Variants in PRR16 observed in about 807,000 individuals in gnomAD.
The protein encoded by PRR16 is proline rich 16.
PRR16 carries 6 observed loss-of-function variants against 18.2 expected under a neutral mutation model. The observed-to-expected ratio is 0.33, with a 90% CI of 0.18 to 0.65. PRR16 has a LOEUF of 0.65. PRR16 is among the 30% of genes least tolerant of loss of function. The pLI is 0.74. For missense variants in PRR16, 412 were observed against 376.6 expected, an observed-to-expected ratio of 1.09 and a Z score of -0.78; for synonymous variants, 151 against 147.8, an observed-to-expected ratio of 1.02 and a Z score of -0.16.
intron 1 of PRR16, among the ~76,000 whole-genome samples, chr5:120,471,448 A>G (rs1051330296): frequency 6.6e-6 from 1 of 152,052 alleles, no homozygotes; most frequent in African/African-American, 2.4e-5. Flanking sequence ...GTTTTCTGAG[A>G]TGTTTGAGGT....
At chr5:120,591,872 G>A (rs1418656548) in intron 1 of PRR16, among the ~76,000 whole-genome samples, 4 of 152,000 alleles carry the variant, frequency 2.6e-5, no homozygotes, top group Non-Finnish European at 4.4e-5. Context: ...TTGAATCTTC[G>A]AAAGTACCAA....
intron 1 of PRR16, among the ~76,000 whole-genome samples, chr5:120,580,211 A>C (rs1753221343): frequency 6.6e-6 from 1 of 152,138 alleles, no homozygotes; most frequent in Non-Finnish European, 1.5e-5. Flanking sequence ...TCCTATTTGA[A>C]TACCCTTTAT....
At chr5:120,570,814 T>C (rs1457450630) in intron 1 of PRR16, among the ~76,000 whole-genome samples, 1 of 152,118 alleles carries the variant, frequency 6.6e-6, no homozygotes, top group Non-Finnish European at 1.5e-5. Flanking sequence ...ATGATAGACT[T>C]TCTGTAAATT....
intron 1 of PRR16, among the ~76,000 whole-genome samples, chr5:120,527,118 G>A (rs1424137340): frequency 6.6e-6 from 1 of 152,110 alleles, no homozygotes; most frequent in Non-Finnish European, 1.5e-5. Context: ...GTAGGGATCA[G>A]CAAACCTTTT....
At chr5:120,768,049 C>A in the PRR16 span, among the ~76,000 whole-genome samples, 8 of 151,770 alleles carry the variant, frequency 5.3e-5, no homozygotes, top group African/African-American at 9.7e-5. Flanking sequence ...CAGAAAGAAA[C>A]CTCATTGAAA....
At chr5:120,471,177 A>G (rs7715549) in intron 1 of PRR16, among the ~76,000 whole-genome samples, 36,131 of 152,046 alleles carry the variant, frequency 0.24, 4,700 homozygotes, top group African/African-American at 0.34. Context: ...TTAATAGTGA[A>G]TAAATTAGAC....
At chr5:120,524,061 T>C (rs1751274427) in intron 1 of PRR16, among the ~76,000 whole-genome samples, 1 of 152,170 alleles carries the variant, frequency 6.6e-6, no homozygotes, top group Admixed American at 6.5e-5. Context: ...CATTCATTGT[T>C]AGAGTAATAG....
At chr5:120,625,988 T>A (rs373131251) in intron 1 of PRR16, among the ~76,000 whole-genome samples, 1 of 152,056 alleles carries the variant, frequency 6.6e-6, no homozygotes. Context: ...ACCCAAAGAA[T>A]CCCACTCCAG....
At chr5:120,590,250 A>T (rs1753588663) in intron 1 of PRR16, among the ~76,000 whole-genome samples, 1 of 152,002 alleles carries the variant, frequency 6.6e-6, no homozygotes, top group South Asian at 2.1e-4. Context: ...CTCCCTTTTC[A>T]TTCATCTCTT....
intron 1 of PRR16, among the ~76,000 whole-genome samples, chr5:120,465,022 C>T (rs994252201): frequency 6.6e-6 from 1 of 152,092 alleles, no homozygotes; most frequent in Non-Finnish European, 1.5e-5. Flanking sequence ...TGCCCTATTG[C>T]TTCCCCAGAG....
intron 1 of PRR16, among the ~76,000 whole-genome samples, chr5:120,523,254 C>G (rs556632356): frequency 6.6e-6 from 1 of 152,234 alleles, no homozygotes; most frequent in Admixed American, 6.5e-5. Context: ...TAGCTCAACA[C>G]TGGTGTTATG....
chr5:120,590,419 T>C (rs1291921193), intron 1 of PRR16, among the ~76,000 whole-genome samples: 1 of 152,178 alleles, frequency 6.6e-6, no homozygotes, highest in African/African-American at 2.4e-5. Flanking sequence ...AAGTATTTTG[T>C]CAGTAAGAAT....
the PRR16 span, among the ~76,000 whole-genome samples, chr5:120,727,726 T>A: frequency 2.6e-5 from 4 of 152,136 alleles, no homozygotes; most frequent in African/African-American, 9.7e-5. Flanking sequence ...ATGTTAAATA[T>A]CTAACATATT....
intron 1 of PRR16, among the ~76,000 whole-genome samples, chr5:120,517,992 G>T (rs892952149): frequency 6.6e-6 from 1 of 152,126 alleles, no homozygotes; most frequent in Non-Finnish European, 1.5e-5. Context: ...AAAAAGTTTT[G>T]TGTCACTATA....
the PRR16 span, among the ~76,000 whole-genome samples, chr5:120,697,506 T>A: frequency 6.6e-6 from 1 of 152,194 alleles, no homozygotes; most frequent in African/African-American, 2.4e-5. Context: ...GTGAGAAAAT[T>A]CTAATAGTTT....
At position 120,678,389 on chromosome 5, in the gene PRR16, T is replaced by G. The variant is rs536805313; in HGVS notation, c.160-7565T>G. Among the ~76,000 whole-genome samples the G allele has an allele frequency of 3.1e-4, 47 of 152,292 alleles. No homozygotes were observed. The East Asian group carries it at 8.5e-3, about 28-fold the overall frequency. On this transcript the variant is annotated intron_variant, in intron 1 of 1. Coordinates refer to ENST00000407149, the MANE Select transcript of PRR16 (RefSeq NM_001300783.2). Reference sequence around the variant, plus strand: ...ATGGAAAGCTGGGGTAGGATGGAAATAAAGGCAACAAATGACTTTTTCCAT... The same window carrying G: ...ATGGAAAGCTGGGGTAGGATGGAAAGAAAGGCAACAAATGACTTTTTCCAT...
intron 1 of PRR16, among the ~76,000 whole-genome samples, chr5:120,630,512 A>G (rs1561582900): frequency 6.6e-6 from 1 of 152,146 alleles, no homozygotes; most frequent in Non-Finnish European, 1.5e-5. Flanking sequence ...GCCAAGATGT[A>G]TAGGTTCTAT....
At chr5:120,665,717 C>G (rs1378005643) in intron 1 of PRR16, among the ~76,000 whole-genome samples, 3 of 152,154 alleles carry the variant, frequency 2.0e-5, no homozygotes, top group African/African-American at 7.2e-5. Flanking sequence ...AATAGGGAAT[C>G]CTTCCCCCAT....
At chr5:120,577,850 T>C (rs940149676) in intron 1 of PRR16, among the ~76,000 whole-genome samples, 2 of 152,208 alleles carry the variant, frequency 1.3e-5, no homozygotes, top group African/African-American at 4.8e-5. Context: ...ACTAGTATAT[T>C]AATTTTTACA....
Sources: allele counts gnomAD v4.1 joint callset (sites outside exome capture counted in the v4.1 genomes callset), GRCh38; gene constraint gnomAD v4.1.1; transcripts MANE v1.5; gene names NCBI Gene and HGNC (gene_info 2026-07-23, HGNC 2026-07-21).